The following SHROOM2 variants were observed in gnomAD, a reference collection of about 807,000 sequenced individuals.
SHROOM2 encodes shroom family member 2.
Under a neutral mutation model 75.9 loss-of-function variants are expected in SHROOM2, and 33 were observed. The observed-to-expected ratio is 0.43, with a 90% CI of 0.33 to 0.58. The LOEUF (loss-of-function observed/expected upper bound fraction) is 0.58. Among genes scored for constraint, SHROOM2 ranks in the 20% least tolerant of loss-of-function variants. The pLI is 0.04. For synonymous variants in SHROOM2, 655 were observed against 663.6 expected (o/e 0.99, Z 0.20); for missense variants, 1,434 against 1,461.2 (o/e 0.98, Z 0.30).
chrX:9,854,986 A>C (rs1265246591), intron 1 of SHROOM2, among the ~76,000 whole-genome samples: 2 of 110,237 alleles, frequency 1.8e-5, no homozygotes, highest in Non-Finnish European at 3.8e-5. Context: ...AGAACCAAAA[A>C]ATTAAAATTT....
intron 2 of SHROOM2, among the ~76,000 whole-genome samples, chrX:9,884,351 G>T (rs868281000): frequency 2.3e-5 from 2 of 85,427 alleles, no homozygotes; most frequent in Non-Finnish European, 4.4e-5. Context: ...CAACACTCGT[G>T]ATTTTTTTTT....
intron 1 of SHROOM2, among the ~76,000 whole-genome samples, chrX:9,796,709 A>G (rs1249603895): frequency 1.8e-5 from 2 of 110,496 alleles, no homozygotes; most frequent in Admixed American, 9.7e-5. Flanking sequence ...CGGTGGTGTG[A>G]TCACGGTTCA....
intron 5 of SHROOM2, among the ~76,000 whole-genome samples, chrX:9,927,356 C>CAAAAAA (rs56344026): frequency 1.2e-4 from 3 of 24,394 alleles, no homozygotes; most frequent in Non-Finnish European, 2.4e-4. Context: ...TCTCTGTCTC[C>CAAAAAA]AAAAAAAAAA....
intron 1 of SHROOM2, among the ~76,000 whole-genome samples, chrX:9,799,738 C>T (rs764681343): frequency 7.0e-4 from 77 of 110,290 alleles, no homozygotes; most frequent in African/African-American, 2.3e-3. Context: ...CTCGAGATAA[C>T]GTGCATCTGT....
intron 5 of SHROOM2, among the ~76,000 whole-genome samples, chrX:9,916,017 T>A (rs2086021191): frequency 8.9e-6 from 1 of 112,581 alleles, no homozygotes; most frequent in South Asian, 3.7e-4. Flanking sequence ...TTCACATATG[T>A]TTTTGAGAAT....
rs1315877212 is a variant in SHROOM2 at position 9,949,150 on chromosome X, G to A, written c.*2213G>A. The A allele has an allele frequency of 3.8e-5, 9 of 239,531 alleles. No individual in the cohort carries two copies. Among genetic ancestry groups the A allele is most frequent in the South Asian group, 3.1e-4 (7 of 22,527 alleles). 19.7% of individuals were successfully genotyped at this position (239,531 alleles called of 1,213,427 possible). On this transcript the variant is annotated 3_prime_UTR_variant, in exon 10 of 10. Transcript: ENST00000380913. ...TGCCTCTGAAACGTCTGGTTAGTGG[G>A]GACCCAAAGATTCTAGTGAGTCAAC...
rs769051267 is a variant in SHROOM2, at chrX:9,933,021, G to C, written c.3587+151G>C. On this transcript the variant is annotated intron_variant, in intron 6 of 9. Coordinates refer to ENST00000380913, the MANE Select transcript of SHROOM2 (RefSeq NM_001649.4). ...GTACTGGGGAATAACTGTGTGGACAGAAAGTGAAGCTTCAGTGGTGGTTGG... is the reference window on the plus strand; with the variant it reads ...GTACTGGGGAATAACTGTGTGGACACAAAGTGAAGCTTCAGTGGTGGTTGG... 2.1e-5 allele frequency: 10 copies of C among 469,388 alleles called. No individual in the cohort carries two copies. In the African/African-American group the frequency reaches 2.2e-4, roughly 10 times the overall value. The allele number at this position is 469,388 out of a possible 1,213,427, so 38.7% of individuals were successfully genotyped here.
At chrX:9,805,920 C>G (rs201547951) in intron 1 of SHROOM2, among the ~76,000 whole-genome samples, 1 of 97,439 alleles carries the variant, frequency 1.0e-5, no homozygotes, top group Non-Finnish European at 2.0e-5. Context: ...AAAAAAAAAA[C>G]AAAAACAAGA....
chrX:9,890,003 A>G (rs2084281453), intron 2 of SHROOM2, among the ~76,000 whole-genome samples: 1 of 112,638 alleles, frequency 8.9e-6, no homozygotes, highest in African/African-American at 3.2e-5. Flanking sequence ...TTCTTTATTT[A>G]TTTTTACATT....
chrX:9,896,560 G>A lies in SHROOM2; in HGVS notation c.2652G>A (p.Arg884=). ...AEYQASWKEQ[R]KPLEARSSGR... ...ATCAGGCCTCTTGGAAGGAACAGAG[G>A]AAACCTCTGGAGGCCAGGAGCTCTG... is the stretch of plus-strand genomic sequence containing the variant. Residue 884 remains arginine (R), a synonymous_variant, in exon 4 of 10, where the codon AGG becomes AGA. Transcript: ENST00000380913. The A allele has an allele frequency of 2.5e-6, 3 of 1,210,762 alleles. No individual in the cohort carries two copies. Among genetic ancestry groups the A allele is most frequent in the Non-Finnish European group, 3.4e-6 (3 of 895,096 alleles).
chrX:9,906,189 A>C (rs1314736358), intron 5 of SHROOM2, among the ~76,000 whole-genome samples: 1 of 112,543 alleles, frequency 8.9e-6, no homozygotes, highest in Non-Finnish European at 1.9e-5. Context: ...AAAAAATAAA[A>C]ATCACATATT....
chrX:9,796,751 C>G (rs908042998), intron 1 of SHROOM2, among the ~76,000 whole-genome samples: 4 of 110,671 alleles, frequency 3.6e-5, no homozygotes, highest in African/African-American at 1.3e-4. Context: ...CTCAAGCAGT[C>G]TTCCCACCTC....
At chrX:9,868,607 G>A (rs947205670) in intron 1 of SHROOM2, among the ~76,000 whole-genome samples, 4 of 109,514 alleles carry the variant, frequency 3.7e-5, no homozygotes, top group Non-Finnish European at 7.6e-5. Flanking sequence ...GGGTTGGCAT[G>A]ATAACGGCTC....
At chrX:9,911,243 C>T (rs2084423106) in intron 5 of SHROOM2, among the ~76,000 whole-genome samples, 1 of 111,718 alleles carries the variant, frequency 9.0e-6, no homozygotes, top group African/African-American at 3.3e-5. Context: ...GCTTGCTGAC[C>T]TCACGGCCCT....
chrX:9,885,243 C>T (rs934300138), intron 2 of SHROOM2, among the ~76,000 whole-genome samples: 7 of 110,293 alleles, frequency 6.3e-5, no homozygotes, highest in East Asian at 2.9e-4. Flanking sequence ...TTAAAGAGTG[C>T]GTGGCTTGTG....
Position 9,826,422 on chromosome X carries a change from T to A in SHROOM2, c.165+39712T>A, listed in dbSNP as rs185597194. 2.0e-3 allele frequency among the ~76,000 whole-genome samples: 226 copies of A among 111,813 alleles called. No individual in the cohort carries two copies. In the Middle Eastern group the frequency reaches 0.032, roughly 16 times the overall value. ...GACAGGTATCATTTTCCTTTTTTTT[T>A]AATCTCTATTTCTAAGAATAACTTT... On this transcript the variant is annotated intron_variant, in intron 1 of 9. Coordinates refer to ENST00000380913, the MANE Select transcript of SHROOM2 (RefSeq NM_001649.4).
chrX:9,837,648 G>T (rs1455929822), intron 1 of SHROOM2, among the ~76,000 whole-genome samples: 49 of 112,140 alleles, frequency 4.4e-4, no homozygotes, highest in Non-Finnish European at 8.1e-4. Context: ...TTTTTCTTTG[G>T]CCAAGTGGAG....
chrX:9,810,462 T>A (rs946307626), intron 1 of SHROOM2, among the ~76,000 whole-genome samples: 13 of 111,230 alleles, frequency 1.2e-4, no homozygotes, highest in African/African-American at 4.2e-4. Flanking sequence ...CAGCCAACAC[T>A]GTAACTCCCT....
At position 9,937,655 on chromosome X, in the gene SHROOM2, A is replaced by G. The variant is rs1229579254; in HGVS notation, c.4109A>G (p.Lys1370Arg). Residue 1370 changes from lysine to arginine, a missense_variant, in exon 7 of 10, where the codon AAA (lysine) becomes AGA (arginine). Around this residue, in one of 3 missense-constraint regions of SHROOM2, gnomAD observed 1,340 missense variants for 1,338.3 expected, o/e 1.00. Transcript: ENST00000380913. ...CAGCAACGGAGGAAGCTGCTCCCCA[A>G]AATCCCCTCTCCTAGAAGCACAGAG... is the stretch of plus-strand genomic sequence containing the variant. ...EAQQRRKLLP[K>R]IPSPRSTEER... is the part of the protein sequence containing the mutation. The G allele has an allele frequency of 8.3e-7, 1 of 1,201,394 alleles. No homozygotes were observed. The highest frequency in any genetic ancestry group is 1.8e-5 in the South Asian group (1 of 54,866).
Sources: allele counts gnomAD v4.1 joint callset (sites outside exome capture counted in the v4.1 genomes callset), GRCh38; gene constraint gnomAD v4.1.1; regional missense constraint gnomAD v4.1.1; transcripts MANE v1.5; gene names NCBI Gene and HGNC (gene_info 2026-07-23, HGNC 2026-07-21).